SLC4A9: variants seen among roughly 807,000 people sequenced by gnomAD.
SLC4A9 encodes the protein solute carrier family 4 member 9, also known as anion exchange protein 4.
Under a neutral mutation model 103.2 loss-of-function variants are expected in SLC4A9, and 102 were observed. The observed-to-expected ratio is 0.99, with a 90% CI of 0.84 to 1.17. SLC4A9 has a LOEUF of 1.17. SLC4A9 is among the 50% of genes most tolerant of loss of function. The pLI, the probability that SLC4A9 is intolerant of heterozygous loss-of-function variation, is 0.00. For missense variants in SLC4A9, 1,091 were observed against 1,193.7 expected (o/e 0.91, Z 1.27); for synonymous variants, 453 against 483.6 (o/e 0.94, Z 0.83).
chr5:140,361,073 C>A, intron 2 of SLC4A9, 101 bp downstream of exon 2: 6 of 1,291,494 alleles, frequency 4.6e-6, no homozygotes, highest in Non-Finnish European at 6.4e-6. Context: ...ATCCCTACCC[C>A]TCCTAGGATT....
Position 140,367,582 on chromosome 5 carries a change from G to C in SLC4A9, c.2175+1G>C. 1 of 1,602,280 alleles carries C rather than the reference G, an allele frequency of 6.2e-7. No homozygotes were observed. Among genetic ancestry groups the C allele is most frequent in the Middle Eastern group, 1.7e-4 (1 of 6,054 alleles). On this transcript the variant is annotated splice_donor_variant, in intron 15 of 21. Transcript: ENST00000506757. LOFTEE classifies it high-confidence loss of function. ...CAACCGCATGGAATACAGACTGCAG[G>C]TAAGGCCTGCTGGGTAAGGCCCAAG...
At position 140,372,848 on chromosome 5, in the gene SLC4A9, G is replaced by C; in HGVS notation, c.*45+5G>C. 6.8e-7 allele frequency: 1 copy of C among 1,475,744 alleles called. No individual in the cohort carries two copies. Among genetic ancestry groups the C allele is most frequent in the Non-Finnish European group, 9.1e-7 (1 of 1,096,814 alleles). 91.4% of individuals were successfully genotyped at this position (1,475,744 alleles called of 1,614,324 possible). ...GACCCCAGGAAACAGCATGAGGTGA[G>C]GGTGTGAGGGAAGTGCTCCTGATGT... On this transcript the variant is annotated splice_donor_5th_base_variant and intron_variant, in intron 21 of 21. Coordinates refer to ENST00000506757, the MANE Select transcript of SLC4A9 (RefSeq NM_031467.3).
Position 140,363,098 on chromosome 5 carries a change from C to A in SLC4A9, c.962+32C>A. 1 of 1,604,814 alleles carries A rather than the reference C, an allele frequency of 6.2e-7. No individual in the cohort carries two copies. Among genetic ancestry groups the A allele is most frequent in the Non-Finnish European group, 8.5e-7 (1 of 1,177,642 alleles). ...GGGAGCCATCATCCCATACAGATTC[C>A]TGCCCATATAGGCCCTGGGTCTAAT... On this transcript the variant is annotated intron_variant, in intron 7 of 21. Coordinates refer to ENST00000506757, the MANE Select transcript of SLC4A9 (RefSeq NM_031467.3). The surrounding 1 kb of genome is among the most constrained non-coding windows in gnomAD (Gnocchi z 4.5).
chr5:140,370,913 T>C (rs1768617113), intron 17 of SLC4A9, 182 bp from the exon 18 acceptor site: 2 of 581,154 alleles, frequency 3.4e-6, no homozygotes, highest in Non-Finnish European at 6.2e-6. Context: ...AATAATAACA[T>C]TTACTTCATC....
intron 17 of SLC4A9, 38 bp downstream of exon 17, chr5:140,368,697 A>G (rs1768266880): frequency 1.3e-6 from 2 of 1,565,948 alleles, no homozygotes; most frequent in Non-Finnish European, 1.8e-6. Context: ...GGGTCAGTGT[A>G]GTAATAATAG....
At position 140,368,611 on chromosome 5, in the gene SLC4A9, G is replaced by A. The variant is rs1489282258; in HGVS notation, c.2379G>A (p.Val793=). The change falls in exon 17 of 22, where the codon GTG becomes GTA. Residue 793 remains valine (V), a synonymous_variant. Transcript: ENST00000506757. ...GGGAACAGAGGCTGACAGGCCTGGTGGTGTTCATCCTTACAGGAGCCTCCA... is the reference window on the plus strand; with the variant it reads ...GGGAACAGAGGCTGACAGGCCTGGTAGTGTTCATCCTTACAGGAGCCTCCA... ...GIREQRLTGL[V]VFILTGASIF... The A allele has an allele frequency of 6.2e-7, 1 of 1,613,348 alleles. No individual in the cohort carries two copies.
At position 140,367,436 on chromosome 5, in the gene SLC4A9, G is replaced by T. The variant is rs750358513; in HGVS notation, c.2030G>T (p.Arg677Leu). The T allele has an allele frequency of 6.2e-7, 1 of 1,611,796 alleles. No individual in the cohort carries two copies. ...PREFKPTLPG[R>L]GWLVSPFGAN... ...CTCCTCCAGCCCACACTCCCTGGGC[G>T]TGGCTGGCTGGTGTCACCTTTTGGA... The change falls in exon 15 of 22, where the codon CGT (arginine) becomes CTT (leucine). Residue 677 changes from arginine to leucine, a missense_variant. Physicochemically the swap from Arg to Leu is moderately radical, Grantham distance 102. Transcript: ENST00000506757.
chr5:140,361,052 T>C lies in SLC4A9; in HGVS notation c.391+80T>C, dbSNP rs1767005071. ...ATTTCCCCTCCAAAGTCTTGAAATC[T>C]TCCAGAGCCCATCCCTACCCCTCCT... On this transcript the variant is annotated intron_variant, in intron 2 of 21. Coordinates refer to ENST00000506757, the MANE Select transcript of SLC4A9 (RefSeq NM_031467.3). 3.6e-6 allele frequency: 5 copies of C among 1,383,714 alleles called. No individual in the cohort carries two copies. The South Asian group carries it at 7.2e-5, about 20-fold the overall frequency. The allele number at this position is 1,383,714 out of a possible 1,614,324, so 85.7% of individuals were successfully genotyped here.
At chr5:140,369,126 C>T (rs1768328518) in intron 17 of SLC4A9, among the ~76,000 whole-genome samples, 1 of 151,980 alleles carries the variant, frequency 6.6e-6, no homozygotes, top group African/African-American at 2.4e-5. Flanking sequence ...AGTTTGAGAC[C>T]TACCTGGGCA....
Position 140,362,131 on chromosome 5 carries a change from C to A in SLC4A9, c.676C>A (p.Pro226Thr), listed in dbSNP as rs1581132199. Residue 226 changes from proline to threonine, a missense_variant, in exon 5 of 22, where the codon CCT (proline) becomes ACT (threonine). Coordinates refer to ENST00000506757, the MANE Select transcript of SLC4A9 (RefSeq NM_031467.3). ...PLGAFVRLRN[P>T]VVLGSLTEVS... ...GGGAGCCTTTGTTCGACTGCGGAAC[C>A]CTGTGGTACTGGGGTCCCTTACTGA... 1.3e-6 allele frequency: 2 copies of A among 1,570,878 alleles called. No homozygotes were observed. Among genetic ancestry groups the A allele is most frequent in the Non-Finnish European group, 1.7e-6 (2 of 1,167,254 alleles).
chr5:140,364,274 A>G lies in SLC4A9; in HGVS notation c.1388+87A>G, dbSNP rs144994486. ...GGGTGAATAGGAGAGAGTGGGAGCTATCTGTTTGGGTTGAGGGACACCTGA... is the reference window on the plus strand; with the variant it reads ...GGGTGAATAGGAGAGAGTGGGAGCTGTCTGTTTGGGTTGAGGGACACCTGA... On this transcript the variant is annotated intron_variant, in intron 10 of 21. Coordinates refer to ENST00000506757, the MANE Select transcript of SLC4A9 (RefSeq NM_031467.3). 392 of 1,588,978 alleles carry G rather than the reference A, an allele frequency of 2.5e-4. No homozygotes were observed. The African/African-American group carries it at 4.9e-3, about 20-fold the overall frequency.
Position 140,363,768 on chromosome 5 carries a change from C to T in SLC4A9, c.1120C>T (p.Pro374Ser), listed in dbSNP as rs1313247709. The T allele has an allele frequency of 1.2e-6, 2 of 1,613,898 alleles. No individual in the cohort carries two copies. The highest frequency in any genetic ancestry group is 2.2e-5 in the South Asian group (2 of 91,080). Reference protein sequence around the residue: ...GLIQDVRRKVPWYPSDFLDAL... With the variant: ...GLIQDVRRKVSWYPSDFLDAL... ...TATCCAGGACGTGCGCAGGAAGGTC[C>T]CGTGGTACCCCAGCGATTTCTTGGA... Residue 374 changes from proline (P) to serine (S), a missense_variant, in exon 9 of 22, where the codon CCG becomes TCG. Transcript: ENST00000506757. The surrounding 1 kb of genome is among the most constrained non-coding windows in gnomAD (Gnocchi z 4.5).
chr5:140,372,777 A>G lies in SLC4A9; in HGVS notation c.2859A>G (p.Glu953=), dbSNP rs1768913058. ...TGATGTATCAGCCAAAGGCTCCAGAAATCAACATTTCTGTGAATTAGCTGG... is the reference window on the plus strand; with the variant it reads ...TGATGTATCAGCCAAAGGCTCCAGAGATCAACATTTCTGTGAATTAGCTGG... ...SELMYQPKAP[E]INISVN Residue 953 remains glutamate, a synonymous_variant, in exon 21 of 22, where the codon GAA becomes GAG. Coordinates refer to ENST00000506757, the MANE Select transcript of SLC4A9 (RefSeq NM_031467.3). The G allele has an allele frequency of 6.3e-7, 1 of 1,579,050 alleles. No homozygotes were observed. Among genetic ancestry groups the G allele is most frequent in the African/African-American group, 1.3e-5 (1 of 74,426 alleles).
In SLC4A9 at chr5:140,369,174, G is replaced by A. The variant is rs534175338; in HGVS notation, c.2427+515G>A. ...TCTGTCTCTGCAAAAAATAAAAAAG[G>A]TAGCTGGGCATGGTGGTGTGTGCCT... is the stretch of plus-strand genomic sequence containing the variant. On this transcript the variant is annotated intron_variant, in intron 17 of 21. Transcript: ENST00000506757. Among the ~76,000 whole-genome samples, 3 of 152,046 alleles carry A rather than the reference G, an allele frequency of 2.0e-5. No individual in the cohort carries two copies. The South Asian group carries it at 6.3e-4, about 32-fold the overall frequency.
chr5:140,366,259 T>A lies in SLC4A9; in HGVS notation c.2008T>A (p.Phe670Ile), dbSNP rs1228147642. Reference protein sequence around the residue: ...ATPKLMVPREFKPTLPGRGWL... With the variant: ...ATPKLMVPREIKPTLPGRGWL... ...ACCAAAGCTCATGGTACCCAGAGAGTTCAAGGTGAGAGCCAGGGAAGAGGG... is the reference window on the plus strand; with the variant it reads ...ACCAAAGCTCATGGTACCCAGAGAGATCAAGGTGAGAGCCAGGGAAGAGGG... The change falls in exon 14 of 22, where the codon TTC (phenylalanine) becomes ATC (isoleucine). Residue 670 changes from phenylalanine to isoleucine, a missense_variant. By Grantham distance (21) the Phe-to-Ile change is conservative (BLOSUM62 0). Transcript: ENST00000506757. 6.3e-7 allele frequency: 1 copy of A among 1,587,696 alleles called. No individual in the cohort carries two copies. Among genetic ancestry groups the A allele is most frequent in the Non-Finnish European group, 8.6e-7 (1 of 1,166,240 alleles).
At position 140,360,425 on chromosome 5, in the gene SLC4A9, G is replaced by T; in HGVS notation, c.189G>T (p.Leu63=). 6.3e-7 allele frequency: 1 copy of T among 1,593,280 alleles called. No homozygotes were observed. Residue 63 remains leucine (L), a synonymous_variant, in exon 1 of 22, where the codon CTG becomes CTT. Coordinates refer to ENST00000506757, the MANE Select transcript of SLC4A9 (RefSeq NM_031467.3). ...DPLLFIQLNE[L]LGWPQALEWR... ...TGCTCTTCATTCAGCTGAATGAGCT[G>T]CTGGGCTGGCCCCAGGCGCTGGAGT...
At chr5:140,369,659 G>A (rs1002330446) in intron 17 of SLC4A9, among the ~76,000 whole-genome samples, 8 of 151,414 alleles carry the variant, frequency 5.3e-5, no homozygotes, top group Non-Finnish European at 8.8e-5. Context: ...GACCGGATCA[G>A]CCACTTACTA....
Position 140,360,432 on chromosome 5 carries a change from T to A in SLC4A9, c.196T>A (p.Trp66Arg). Residue 66 changes from tryptophan to arginine, a missense_variant, in exon 1 of 22, where the codon TGG (tryptophan) becomes AGG (arginine). Physicochemically the swap from Trp to Arg is moderately radical, Grantham distance 101. Coordinates refer to ENST00000506757, the MANE Select transcript of SLC4A9 (RefSeq NM_031467.3). ...LFIQLNELLG[W>R]PQALEWRETG... ...CATTCAGCTGAATGAGCTGCTGGGC[T>A]GGCCCCAGGCGCTGGAGTGGAGAGA... The A allele has an allele frequency of 6.3e-7, 1 of 1,590,656 alleles. No individual in the cohort carries two copies. Among genetic ancestry groups the A allele is most frequent in the Admixed American group, 1.8e-5 (1 of 56,970 alleles).
chr5:140,369,908 G>T (rs1768451036), intron 17 of SLC4A9, among the ~76,000 whole-genome samples: 1 of 151,646 alleles, frequency 6.6e-6, no homozygotes. Flanking sequence ...AGGCTAAGGT[G>T]GGAGCATCAC....
Sources: allele counts gnomAD v4.1 joint callset (sites outside exome capture counted in the v4.1 genomes callset), GRCh38; gene constraint gnomAD v4.1.1; non-coding constraint Gnocchi (gnomAD v3.1); transcripts MANE v1.5; gene names NCBI Gene and HGNC (gene_info 2026-07-23, HGNC 2026-07-21).